Variants in ALOX15B observed in about 807,000 individuals in gnomAD.
The protein encoded by ALOX15B is arachidonate 15-lipoxygenase type B.
In ALOX15B, 74 loss-of-function variants were observed where a neutral mutation model predicts 73.8. That is an observed-to-expected ratio of 1.00 (90% CI 0.83 to 1.22). The LOEUF (loss-of-function observed/expected upper bound fraction) is 1.22, where lower values mean the gene tolerates loss of function less well. ALOX15B is among the 50% of genes most tolerant of loss of function. The pLI, the probability that ALOX15B is intolerant of heterozygous loss-of-function variation, is 0.00. For missense variants in ALOX15B, 896 were observed against 859.9 expected, an observed-to-expected ratio of 1.04 and a Z score of -0.52; for synonymous variants, 353 against 357.2, an observed-to-expected ratio of 0.99 and a Z score of 0.13.
In ALOX15B at chr17:8,045,567, C is replaced by T. The variant is rs370434436; in HGVS notation, c.1081C>T (p.Arg361Cys). The change falls in exon 8 of 14, where the codon CGC (arginine) becomes TGC (cysteine). Residue 361 changes from arginine to cysteine, a missense_variant. Arg to Cys is a radical substitution (Grantham distance 180). Coordinates refer to ENST00000380183, the MANE Select transcript of ALOX15B (RefSeq NM_001141.3). ...WDWLLAKTWV[R>C]NAEFSFHEAL... ...CTGGTTGCTGGCCAAGACCTGGGTG[C>T]GCAATGCCGAGTTCTCCTTCCATGA... 148 of 1,614,170 alleles carry T rather than the reference C, an allele frequency of 9.2e-5. 1 individual carries two copies. In the African/African-American group the frequency reaches 1.3e-3, roughly 15 times the overall value.
At position 8,042,421 on chromosome 17, in the gene ALOX15B, G is replaced by A. The variant is rs1323112948; in HGVS notation, c.502G>A (p.Glu168Lys). ...WPHCLDEKTV[E>K]DLELNIKYST... ...TCACTGCCTGGATGAAAAGACAGTG[G>A]AAGACTTGGAGCTCAATATCAAATA... is the stretch of plus-strand genomic sequence containing the variant. Residue 168 changes from glutamate (E) to lysine (K), a missense_variant, in exon 4 of 14, where the codon GAA becomes AAA. By Grantham distance (56) the Glu-to-Lys change is moderately conservative. Transcript: ENST00000380183. 3.1e-6 allele frequency: 5 copies of A among 1,613,994 alleles called. No individual in the cohort carries two copies. Among genetic ancestry groups the A allele is most frequent in the Non-Finnish European group, 4.2e-6 (5 of 1,180,032 alleles).
chr17:8,044,817 C>G lies in ALOX15B; in HGVS notation c.677-12C>G. 1 of 1,609,110 alleles carries G rather than the reference C, an allele frequency of 6.2e-7. No individual in the cohort carries two copies. Among genetic ancestry groups the G allele is most frequent in the Non-Finnish European group, 8.5e-7 (1 of 1,176,668 alleles). On this transcript the variant is annotated splice_polypyrimidine_tract_variant and intron_variant, in intron 5 of 13. Transcript: ENST00000380183. ...TGAGTGACCCCGTTCCCCTGTCCCCCACCCCCTGCAGAGCACGCATTTGAG... is the reference window on the plus strand; with the variant it reads ...TGAGTGACCCCGTTCCCCTGTCCCCGACCCCCTGCAGAGCACGCATTTGAG...
In ALOX15B at chr17:8,047,769, A is replaced by G. The variant is rs374906338; in HGVS notation, c.1705A>G (p.Asn569Asp). Residue 569 changes from asparagine (N) to aspartate (D), a missense_variant, in exon 13 of 14, where the codon AAC (asparagine) becomes GAC (aspartate). Physicochemically the swap from Asn to Asp is conservative, Grantham distance 23. Transcript: ENST00000380183. ...GTTTGACTCCTGTGCTTGGATGCCCAACCTGCCACCCAGCATGCAGCTGCC... is the reference window on the plus strand; with the variant it reads ...GTTTGACTCCTGTGCTTGGATGCCCGACCTGCCACCCAGCATGCAGCTGCC... ...GQFDSCAWMP[N>D]LPPSMQLPPP... 6.2e-7 allele frequency: 1 copy of G among 1,614,088 alleles called. No homozygotes were observed. Among genetic ancestry groups the G allele is most frequent in the East Asian group, 2.2e-5 (1 of 44,880 alleles).
chr17:8,039,264 C>T lies in ALOX15B; in HGVS notation c.109C>T (p.Pro37Ser), dbSNP rs577729599. Residue 37 changes from proline (P) to serine (S), a missense_variant, in exon 1 of 14, where the codon CCC (proline) becomes TCC (serine). Physicochemically the swap from Pro to Ser is moderately conservative, Grantham distance 74. Coordinates refer to ENST00000380183, the MANE Select transcript of ALOX15B (RefSeq NM_001141.3). ...VGTRGESPPL[P>S]LDNLGKEFTA... is the part of the protein sequence containing the mutation. ...GACCCGGGGAGAGAGCCCCCCACTG[C>T]CCCTGGACAATCTCGGCAAGGAGTT... 5.6e-6 allele frequency: 9 copies of T among 1,595,376 alleles called. No individual in the cohort carries two copies. The East Asian group carries it at 8.9e-5, about 16-fold the overall frequency.
In ALOX15B at chr17:8,039,928, C is replaced by G; in HGVS notation, c.394C>G (p.Pro132Ala). The G allele has an allele frequency of 6.2e-7, 1 of 1,613,628 alleles. No homozygotes were observed. The highest frequency in any genetic ancestry group is 8.5e-7 in the Non-Finnish European group (1 of 1,179,824). The change falls in exon 3 of 14, where the codon CCT becomes GCT. Residue 132 changes from proline (P) to alanine (A), a missense_variant. By Grantham distance (27) the Pro-to-Ala change is conservative (BLOSUM62 -1). Transcript: ENST00000380183. ...TAKVSWADHHPVLQQQRQEEL... is the reference protein window; with the variant it reads ...TAKVSWADHHAVLQQQRQEEL... ...CAAGGTGTCCTGGGCAGACCACCACCCTGTGCTCCAGCAACAGCGCCAGGA... is the reference window on the plus strand; with the variant it reads ...CAAGGTGTCCTGGGCAGACCACCACGCTGTGCTCCAGCAACAGCGCCAGGA...
In ALOX15B at chr17:8,042,402, C is replaced by T. The variant is rs1372093314; in HGVS notation, c.483C>T (p.Cys161=). 6.2e-7 allele frequency: 1 copy of T among 1,614,114 alleles called. No homozygotes were observed. The highest frequency in any genetic ancestry group is 1.7e-5 in the Admixed American group (1 of 60,028). ...CTTACAACCCAGGTTGGCCTCACTG[C>T]CTGGATGAAAAGACAGTGGAAGACT... is the stretch of plus-strand genomic sequence containing the variant. The part of the protein sequence containing the change: ...WKAYNPGWPH[C]LDEKTVEDLE... Residue 161 remains cysteine, a synonymous_variant, in exon 4 of 14, where the codon TGC becomes TGT. Transcript: ENST00000380183.
At chr17:8,047,219 C>T (rs535278007) in intron 10 of ALOX15B, 39 bp from the exon 11 acceptor site, 14 of 1,612,940 alleles carry the variant, frequency 8.7e-6, no homozygotes, top group African/African-American at 4.0e-5. Context: ...CAGAGCGGGT[C>T]GGGGTTGGAG....
Position 8,044,092 on chromosome 17 carries a change from G to GGA in ALOX15B, c.677-723_677-722dup, listed in dbSNP as rs1248539064. Among the ~76,000 whole-genome samples, 68 of 137,088 alleles carry GGA rather than the reference G, an allele frequency of 5.0e-4. 2 individuals carry two copies. The highest frequency in any genetic ancestry group is 1.6e-3 in the African/African-American group (56 of 35,972). The allele number at this position is 137,088 out of a possible 152,430, so 89.9% of individuals were successfully genotyped here. The stretch of plus-strand genomic sequence containing the variant: ...AAGAGAGAAAGAGGTGGGGAGTGGG[G>GGA]GAGAGAGAGAGAGAGGAAGGAAGGA... On this transcript the variant is annotated intron_variant, in intron 5 of 13. Coordinates refer to ENST00000380183, the MANE Select transcript of ALOX15B (RefSeq NM_001141.3).
Position 8,040,650 on chromosome 17 carries a change from A to AGAAAGAAG in ALOX15B, c.449+671_449+672insGAAGGAAA, listed in dbSNP as rs1555638514. ...AAGAAAGAAAGAAAGAAAGAAAGAA[A>AGAAAGAAG]GAAAAGAAAGAGAAAGAAACTGCTT... On this transcript the variant is annotated intron_variant, in intron 3 of 13. Coordinates refer to ENST00000380183, the MANE Select transcript of ALOX15B (RefSeq NM_001141.3). 1.1e-4 allele frequency among the ~76,000 whole-genome samples: 12 copies of AGAAAGAAG among 112,788 alleles called. No individual in the cohort carries two copies. In the South Asian group the frequency reaches 3.0e-3, roughly 29 times the overall value. 74.0% of individuals were successfully genotyped at this position (112,788 alleles called of 152,430 possible). A position where few individuals can be genotyped will look rare whatever the true frequency, so the allele number is the denominator to read the frequency against.
rs1041692259 is a variant in ALOX15B at position 8,042,632 on chromosome 17, C to A, written c.572+141C>A. The A allele has an allele frequency of 4.4e-6, 6 of 1,378,122 alleles. No homozygotes were observed. The African/African-American group carries it at 7.2e-5, about 17-fold the overall frequency. The allele number at this position is 1,378,122 out of a possible 1,614,324, so 85.4% of individuals were successfully genotyped here. ...CAGGAAACAGCCTCCTTCCCACTAC[C>A]AATCCCACAGAGCAACAGCTACCTT... is the stretch of plus-strand genomic sequence containing the variant. On this transcript the variant is annotated intron_variant, in intron 4 of 13. Coordinates refer to ENST00000380183, the MANE Select transcript of ALOX15B (RefSeq NM_001141.3).
In ALOX15B at chr17:8,047,794, C is replaced by G. The variant is rs753956022; in HGVS notation, c.1730C>G (p.Pro577Arg). 9 of 1,614,146 alleles carry G rather than the reference C, an allele frequency of 5.6e-6. No individual in the cohort carries two copies. The highest frequency in any genetic ancestry group is 7.6e-6 in the Non-Finnish European group (9 of 1,180,012). ...MPNLPPSMQLPPPTSKGLATC... is the reference protein window; with the variant it reads ...MPNLPPSMQLRPPTSKGLATC... ...AACCTGCCACCCAGCATGCAGCTGCCACCACCCACCTCCAAAGGCCTGGCA... is the reference window on the plus strand; with the variant it reads ...AACCTGCCACCCAGCATGCAGCTGCGACCACCCACCTCCAAAGGCCTGGCA... The change falls in exon 13 of 14, where the codon CCA (proline) becomes CGA (arginine). Residue 577 changes from proline (P) to arginine (R), a missense_variant. Pro to Arg is a moderately radical substitution (Grantham distance 103). Transcript: ENST00000380183.
intron 3 of ALOX15B, 56 bp from the exon 4 acceptor site, chr17:8,042,313 T>G: frequency 6.3e-7 from 1 of 1,598,294 alleles, no homozygotes; most frequent in Non-Finnish European, 8.5e-7. Flanking sequence ...CCATCTGCCC[T>G]AGCAAAGAGT....
Position 8,046,753 on chromosome 17 carries a change from G to A in ALOX15B, c.1286G>A (p.Arg429Lys), listed in dbSNP as rs1196332160. The change falls in exon 9 of 14, where the codon AGG becomes AAG. Residue 429 changes from arginine to lysine, a missense_variant and splice_region_variant. Transcript: ENST00000380183. ...ATCGTGCCAGGGCAGGTGGTGGACA[G>A]GGTGAGAGCTGTGTTGGGGAGGGAG... ...LLIVPGQVVDRSTGIGIEGFS... is the reference protein window; with the variant it reads ...LLIVPGQVVDKSTGIGIEGFS... The A allele has an allele frequency of 6.2e-7, 1 of 1,613,588 alleles. No individual in the cohort carries two copies. The highest frequency in any genetic ancestry group is 1.3e-5 in the African/African-American group (1 of 74,910).
rs1348933820 is a variant in ALOX15B, at chr17:8,045,269, T to C, written c.881T>C (p.Ile294Thr). The change falls in exon 7 of 14, where the codon ATC becomes ACC. Residue 294 changes from isoleucine to threonine, a missense_variant. Transcript: ENST00000380183. ...KGSLFLVDHGILSGIQTNVIN... is the reference protein window; with the variant it reads ...KGSLFLVDHGTLSGIQTNVIN... ...TCCCTGTTCTTGGTGGATCACGGCA[T>C]CCTCTCTGGCATCCAGACCAATGTC... The C allele has an allele frequency of 6.2e-7, 1 of 1,614,112 alleles. No individual in the cohort carries two copies.
rs200806151 is a variant in ALOX15B at position 8,047,343 on chromosome 17, A to T, written c.1543A>T (p.Ile515Phe). 1.9e-5 allele frequency: 31 copies of T among 1,613,996 alleles called. No individual in the cohort carries two copies. The East Asian group carries it at 6.0e-4, about 31-fold the overall frequency. The change falls in exon 11 of 14, where the codon ATC becomes TTC. Residue 515 changes from isoleucine (I) to phenylalanine (F), a missense_variant. Transcript: ENST00000380183. The part of the protein sequence containing the change: ...DRELQAWVRE[I>F]FSKGFLNQES... ...AGAGCTCCAGGCCTGGGTCAGAGAG[A>T]TCTTCTCCAAGGGCTTCCTAAACCA...
At chr17:8,039,869 T>C in intron 2 of ALOX15B, 33 bp from the exon 3 acceptor site, 2 of 1,585,114 alleles carry the variant, frequency 1.3e-6, no homozygotes, top group Non-Finnish European at 1.7e-6. Flanking sequence ...TGAGTTTCTC[T>C]CCCCACCCCA....
rs540923569 is a variant in ALOX15B, at chr17:8,041,365, G to A, written c.450-1004G>A. Among the ~76,000 whole-genome samples the A allele has an allele frequency of 2.0e-5, 3 of 152,312 alleles. No homozygotes were observed. The South Asian group carries it at 6.2e-4, about 32-fold the overall frequency. Reference sequence around the variant, plus strand: ...CAGCTGCTAAGTCTTGCACAACTGTGTGCTCTTGCTGTTGTTCCTGTCTTT... The same window carrying A: ...CAGCTGCTAAGTCTTGCACAACTGTATGCTCTTGCTGTTGTTCCTGTCTTT... On this transcript the variant is annotated intron_variant, in intron 3 of 13. Coordinates refer to ENST00000380183, the MANE Select transcript of ALOX15B (RefSeq NM_001141.3).
At chr17:8,040,314 G>A (rs1226751467) in intron 3 of ALOX15B, among the ~76,000 whole-genome samples, 1 of 152,032 alleles carries the variant, frequency 6.6e-6, no homozygotes, top group Non-Finnish European at 1.5e-5. Context: ...GGAGGCTGAG[G>A]GAGGCGGATC....
In ALOX15B at chr17:8,047,325, C is replaced by T. The variant is rs199941734; in HGVS notation, c.1525C>T (p.Gln509Ter). The T allele has an allele frequency of 1.6e-5, 26 of 1,613,978 alleles. No individual in the cohort carries two copies. Among genetic ancestry groups the T allele is most frequent in the Non-Finnish European group, 2.1e-5 (25 of 1,180,010 alleles). ...DESVQDDREL[Q>*]AWVREIFSKG... ...GTCTGTCCAAGATGACAGAGAGCTC[C>T]AGGCCTGGGTCAGAGAGATCTTCTC... Residue 509 changes from glutamine to a stop codon, truncating the protein, a stop_gained, in exon 11 of 14, where the codon CAG becomes TAG. Coordinates refer to ENST00000380183, the MANE Select transcript of ALOX15B (RefSeq NM_001141.3). LOFTEE classifies it high-confidence loss of function.
Sources: allele counts gnomAD v4.1 joint callset (sites outside exome capture counted in the v4.1 genomes callset), GRCh38; gene constraint gnomAD v4.1.1; transcripts MANE v1.5; gene names NCBI Gene and HGNC (gene_info 2026-07-23, HGNC 2026-07-21).